Variants in NFATC2 observed in about 807,000 individuals in gnomAD.
NFATC2 encodes the protein nuclear factor of activated T cells 2, also known as nuclear factor of activated T-cells, cytoplasmic 2.
In NFATC2, 22 loss-of-function variants were observed where a neutral mutation model predicts 87.3. That is an observed-to-expected ratio of 0.25 (90% CI 0.18 to 0.36). NFATC2 has a LOEUF of 0.36. Among genes scored for constraint, NFATC2 ranks in the 10% least tolerant of loss-of-function variants. The pLI, the probability that NFATC2 is intolerant of heterozygous loss-of-function variation, is 1.00. For missense variants in NFATC2, 1,149 were observed against 1,259.1 expected, an observed-to-expected ratio of 0.91 and a Z score of 1.32; for synonymous variants, 565 against 542.2, an observed-to-expected ratio of 1.04 and a Z score of -0.58.
chr20:51,523,661 T>C lies in NFATC2; in HGVS notation c.580A>G (p.Asn194Asp). 1.2e-6 allele frequency: 2 copies of C among 1,613,814 alleles called. No homozygotes were observed. The highest frequency in any genetic ancestry group is 3.3e-4 in the Middle Eastern group (2 of 6,058). ...SPYTSPCVSP[N>D]NGGPDDLCPQ... ...CACAGGTCGTCGGGCCCGCCGTTAT[T>C]GGGCGAGACGCAGGGCGAGGTGTAG... Residue 194 changes from asparagine to aspartate, a missense_variant, in exon 2 of 11, where the codon AAT becomes GAT. Asn to Asp is a conservative substitution (Grantham distance 23). Coordinates refer to ENST00000371564, the MANE Select transcript of NFATC2 (RefSeq NM_012340.5). The surrounding 1 kb of genome is among the most constrained non-coding windows in gnomAD (Gnocchi z 6.9).
intron 1 of NFATC2, among the ~76,000 whole-genome samples, chr20:51,528,083 C>G (rs62230662): frequency 8.8e-6 from 1 of 113,024 alleles, no homozygotes. Flanking sequence ...GAGAACCTGT[C>G]CCAAAAAAAA....
chr20:51,483,485 T>C (rs540898086), intron 3 of NFATC2, among the ~76,000 whole-genome samples: 3 of 151,940 alleles, frequency 2.0e-5, no homozygotes, highest in Non-Finnish European at 4.4e-5. Flanking sequence ...CAATTCCCCA[T>C]GGCCATGCAG....
chr20:51,463,315 T>A (rs370759344), intron 5 of NFATC2, among the ~76,000 whole-genome samples: 159 of 152,288 alleles, frequency 1.0e-3, no homozygotes, highest in African/African-American at 3.6e-3. Context: ...GAGTGGGGTA[T>A]GATGTGTGCA....
intron 1 of NFATC2, among the ~76,000 whole-genome samples, chr20:51,539,096 G>C (rs899235269): frequency 7.2e-5 from 11 of 152,156 alleles, no homozygotes; most frequent in African/African-American, 2.7e-4. Flanking sequence ...CTGCCTCCTA[G>C]GGTTGGAGTG....
chr20:51,477,293 TA>T (rs1988795386), intron 3 of NFATC2, among the ~76,000 whole-genome samples: 1 of 151,354 alleles, frequency 6.6e-6, no homozygotes. Flanking sequence ...TGATACAACT[TA>T]AAAAAATGCA....
chr20:51,452,109 T>G (rs888605420), intron 6 of NFATC2, among the ~76,000 whole-genome samples: 1 of 152,106 alleles, frequency 6.6e-6, no homozygotes. Flanking sequence ...GACTTTACCT[T>G]CATCATCTCT....
chr20:51,533,160 G>T (rs1018316417), intron 1 of NFATC2, among the ~76,000 whole-genome samples: 1 of 152,198 alleles, frequency 6.6e-6, no homozygotes, highest in Non-Finnish European at 1.5e-5. Context: ...CCTGCCACTC[G>T]CCCCGACAAC....
At chr20:51,508,747 C>T (rs1399980698) in intron 3 of NFATC2, among the ~76,000 whole-genome samples, 6 of 152,152 alleles carry the variant, frequency 3.9e-5, no homozygotes, top group African/African-American at 1.4e-4. Context: ...CCCAGACAGA[C>T]AGATGCCACC....
At position 51,427,622 on chromosome 20, in the gene NFATC2, G is replaced by A. The variant is rs543688766; in HGVS notation, c.2722+4445C>T. On this transcript the variant is annotated intron_variant, in intron 9 of 10. Coordinates refer to ENST00000371564, the MANE Select transcript of NFATC2 (RefSeq NM_012340.5). ...CTTCTCAAACAGTAAATCAAACCAC[G>A]CTGCACTGCTGCTGAAAGCCTGCGG... Among the ~76,000 whole-genome samples, 4 of 152,158 alleles carry A rather than the reference G, an allele frequency of 2.6e-5. No homozygotes were observed. The East Asian group carries it at 7.7e-4, about 29-fold the overall frequency.
At chr20:51,425,269 A>G (rs539888080) in intron 9 of NFATC2, among the ~76,000 whole-genome samples, 91 of 152,354 alleles carry the variant, frequency 6.0e-4, no homozygotes, top group African/African-American at 2.0e-3. Flanking sequence ...GAAGGCAAAA[A>G]AAGGACGCTG....
At chr20:51,494,282 G>A (rs1454703216) in intron 3 of NFATC2, among the ~76,000 whole-genome samples, 4 of 152,216 alleles carry the variant, frequency 2.6e-5, no homozygotes, top group East Asian at 3.9e-4. Context: ...TGCCTAAGGT[G>A]TCCGGCACAG....
chr20:51,419,494 G>C (rs1980557663), intron 9 of NFATC2, among the ~76,000 whole-genome samples: 1 of 152,174 alleles, frequency 6.6e-6, no homozygotes, highest in African/African-American at 2.4e-5. Context: ...TGAGAATGGA[G>C]AGTGATAAGA....
chr20:51,500,145 T>C (rs1334712595), intron 3 of NFATC2, among the ~76,000 whole-genome samples: 1 of 152,138 alleles, frequency 6.6e-6, no homozygotes, highest in Non-Finnish European at 1.5e-5. Flanking sequence ...GCAAAAGGTC[T>C]GGCACGTAGG....
At chr20:51,446,284 A>G (rs985880061) in intron 6 of NFATC2, among the ~76,000 whole-genome samples, 1 of 152,308 alleles carries the variant, frequency 6.6e-6, no homozygotes. Context: ...CCCTGTGTGA[A>G]GTCAACCAGG....
Position 51,480,618 on chromosome 20 carries a change from G to C in NFATC2, c.1333-4958C>G, listed in dbSNP as rs1387895556. 1.3e-5 allele frequency among the ~76,000 whole-genome samples: 2 copies of C among 152,120 alleles called. No individual in the cohort carries two copies. Among genetic ancestry groups the C allele is most frequent in the Non-Finnish European group, 1.5e-5 (1 of 68,028 alleles). ...TGAAAGCACAAAGTTTTTCACTTTG[G>C]GTCAGACATATCTGAATTTCGATGC... On this transcript the variant is annotated intron_variant, in intron 3 of 10. Coordinates refer to ENST00000371564, the MANE Select transcript of NFATC2 (RefSeq NM_012340.5). This position sits in a 1 kb window ranked among gnomAD's most constrained non-coding sequence, Gnocchi z 4.2.
intron 3 of NFATC2, among the ~76,000 whole-genome samples, chr20:51,498,473 G>A (rs1311545771): frequency 6.6e-6 from 1 of 152,150 alleles, no homozygotes; most frequent in Non-Finnish European, 1.5e-5. Context: ...AGGAAAGGAA[G>A]AGAGAACATA....
At chr20:51,418,915 C>T (rs751673151) in intron 9 of NFATC2, among the ~76,000 whole-genome samples, 54 of 151,624 alleles carry the variant, frequency 3.6e-4, no homozygotes, top group Non-Finnish European at 1.5e-4. Flanking sequence ...CTGCCTGCCT[C>T]GGCTTCCCAA....
chr20:51,423,291 CAAAAAAAA>C (rs71192527), intron 9 of NFATC2, among the ~76,000 whole-genome samples: 1 of 62,868 alleles, frequency 1.6e-5, no homozygotes, highest in Admixed American at 2.2e-4. Flanking sequence ...GACCCTCTCT[CAAAAAAAA>C]AAAAAAAAAA....
intron 7 of NFATC2, 77 bp from the exon 8 acceptor site, chr20:51,435,391 A>T (rs1983413042): frequency 6.3e-7 from 1 of 1,593,572 alleles, no homozygotes. Context: ...GCATCCAGGC[A>T]GCCCACTGTC....
Sources: allele counts gnomAD v4.1 joint callset (sites outside exome capture counted in the v4.1 genomes callset), GRCh38; gene constraint gnomAD v4.1.1; non-coding constraint Gnocchi (gnomAD v3.1); transcripts MANE v1.5; gene names NCBI Gene and HGNC (gene_info 2026-07-23, HGNC 2026-07-21).